Variants in MAPK8IP1 observed in about 807,000 individuals in gnomAD.
MAPK8IP1 encodes C-Jun-amino-terminal kinase-interacting protein 1.
Under a neutral mutation model 72.6 loss-of-function variants are expected in MAPK8IP1, and 17 were observed. That is an observed-to-expected ratio of 0.23 (90% CI 0.16 to 0.35). The LOEUF is 0.35. Ranked by LOEUF, MAPK8IP1 falls within the 10% of genes least tolerant of loss-of-function variation. MAPK8IP1 has a pLI of 1.00. For missense variants in MAPK8IP1, 789 were observed against 1,009.7 expected, an observed-to-expected ratio of 0.78 and a Z score of 2.96; for synonymous variants, 401 against 443.4, an observed-to-expected ratio of 0.90 and a Z score of 1.20.
Position 45,904,241 on chromosome 11 carries a change from A to C in MAPK8IP1, c.1666+80A>C. ...TTGCTGCTAGGTGAACGTGTACTCC[A>C]GATCTCAGCCAGCCAGGTGGGGGGC... On this transcript the variant is annotated intron_variant, in intron 7 of 11. Coordinates refer to ENST00000241014, the MANE Select transcript of MAPK8IP1 (RefSeq NM_005456.4). This position sits in a 1 kb window ranked among gnomAD's most constrained non-coding sequence, Gnocchi z 6.4. 6.7e-7 allele frequency: 1 copy of C among 1,483,880 alleles called. No individual in the cohort carries two copies. The highest frequency in any genetic ancestry group is 9.3e-7 in the Non-Finnish European group (1 of 1,079,130). 91.9% of individuals were successfully genotyped at this position (1,483,880 alleles called of 1,614,324 possible).
Position 45,902,144 on chromosome 11 carries a change from C to A in MAPK8IP1, c.604+83C>A. On this transcript the variant is annotated intron_variant, in intron 4 of 11. Coordinates refer to ENST00000241014, the MANE Select transcript of MAPK8IP1 (RefSeq NM_005456.4). The surrounding 1 kb of genome is among the most constrained non-coding windows in gnomAD (Gnocchi z 9.3). ...TACAGAGAGCAAACCCTACAGTCTC[C>A]AAAGGGCTGAGTAGAGGTGAACTGC... The A allele has an allele frequency of 7.7e-7, 1 of 1,300,638 alleles. No homozygotes were observed. The highest frequency in any genetic ancestry group is 1.1e-6 in the Non-Finnish European group (1 of 893,670). 80.6% of individuals were successfully genotyped at this position (1,300,638 alleles called of 1,614,324 possible).
chr11:45,901,471 A>T (rs142154174), intron 3 of MAPK8IP1, among the ~76,000 whole-genome samples: 1 of 152,240 alleles, frequency 6.6e-6, no homozygotes, highest in Non-Finnish European at 1.5e-5. Flanking sequence ...GCTGCTAGGG[A>T]GACCCTTCCT....
At chr11:45,899,908 G>A (rs1660828184) in intron 2 of MAPK8IP1, among the ~76,000 whole-genome samples, 1 of 152,162 alleles carries the variant, frequency 6.6e-6, no homozygotes, top group South Asian at 2.1e-4. Context: ...CCGGGGTGGG[G>A]ACTGTGGGGA....
chr11:45,900,302 G>A lies in MAPK8IP1; in HGVS notation c.372G>A (p.Ala124=). Residue 124 remains alanine, a synonymous_variant, in exon 3 of 12, where the codon GCG becomes GCA. Coordinates refer to ENST00000241014, the MANE Select transcript of MAPK8IP1 (RefSeq NM_005456.4). This position sits in a 1 kb window ranked among gnomAD's most constrained non-coding sequence, Gnocchi z 6.5. ...AGCGCGCGGCCCGGCGGCCGGGAGC[G>A]GGGCCGCCCAAGGCCGAGTCCGGCC... ...DEERAARRPG[A]GPPKAESGQE... is the part of the protein sequence containing the mutation. 1 of 1,340,976 alleles carries A rather than the reference G, an allele frequency of 7.5e-7. No individual in the cohort carries two copies. Among genetic ancestry groups the A allele is most frequent in the Non-Finnish European group, 9.5e-7 (1 of 1,052,628 alleles). 83.1% of individuals were successfully genotyped at this position (1,340,976 alleles called of 1,614,324 possible). A position where few individuals can be genotyped will look rare whatever the true frequency, so the allele number is the denominator to read the frequency against.
At chr11:45,892,601 G>T (rs949797967) in intron 1 of MAPK8IP1, among the ~76,000 whole-genome samples, 10 of 152,174 alleles carry the variant, frequency 6.6e-5, no homozygotes, top group African/African-American at 2.4e-4. Context: ...GTCAGAGAAG[G>T]CTTGCAGAGG....
intron 11 of MAPK8IP1, 126 bp downstream of exon 11, chr11:45,905,375 A>G: frequency 1.0e-6 from 1 of 954,686 alleles, no homozygotes; most frequent in East Asian, 2.6e-5. Context: ...CTATCTCCGG[A>G]CCCCAGTGCG....
In MAPK8IP1 at chr11:45,904,580, C is replaced by T. The variant is rs1415289217; in HGVS notation, c.1776+16C>T. On this transcript the variant is annotated intron_variant, in intron 8 of 11. Transcript: ENST00000241014. The surrounding 1 kb of genome is among the most constrained non-coding windows in gnomAD (Gnocchi z 6.4). Reference sequence around the variant, plus strand: ...TATGCAAAAGGTACCTGAGCCCTCTCCCTTCTCCTCCCTTGGATGGGTCCC... The same window carrying T: ...TATGCAAAAGGTACCTGAGCCCTCTTCCTTCTCCTCCCTTGGATGGGTCCC... 2 of 1,610,992 alleles carry T rather than the reference C, an allele frequency of 1.2e-6. No homozygotes were observed. Among genetic ancestry groups the T allele is most frequent in the African/African-American group, 1.3e-5 (1 of 74,842 alleles).
intron 1 of MAPK8IP1, 63 bp from the exon 2 acceptor site, chr11:45,898,022 A>AC (rs771819193): frequency 6.1e-6 from 6 of 977,386 alleles, no homozygotes; most frequent in African/African-American, 1.6e-5. Flanking sequence ...GGAAGAGGTA[A>AC]CAGGGAGATG....
chr11:45,891,909 C>G (rs1199171451), intron 1 of MAPK8IP1, among the ~76,000 whole-genome samples: 1 of 152,218 alleles, frequency 6.6e-6, no homozygotes, highest in Non-Finnish European at 1.5e-5. Flanking sequence ...CTGTGTGTAA[C>G]AGTTCTTCTC....
At chr11:45,888,137 G>A (rs571331836) in intron 1 of MAPK8IP1, among the ~76,000 whole-genome samples, 1 of 152,336 alleles carries the variant, frequency 6.6e-6, no homozygotes, top group South Asian at 2.1e-4. Flanking sequence ...GCTGAGGAGA[G>A]CCGCCTGTAG....
rs775529953 is a variant in MAPK8IP1, at chr11:45,903,426, C to T, written c.1479C>T (p.His493=). 1 of 1,612,754 alleles carries T rather than the reference C, an allele frequency of 6.2e-7. No individual in the cohort carries two copies. The highest frequency in any genetic ancestry group is 8.5e-7 in the Non-Finnish European group (1 of 1,179,944). ...IINGEEQEQT[H]RAIFRFVPRH... is the part of the protein sequence containing the mutation. ...ACGGGGAGGAGCAGGAGCAGACCCA[C>T]CGGGCCATATTCAGGTGAGAGCCAT... Residue 493 remains histidine (H), a synonymous_variant, in exon 6 of 12, where the codon CAC becomes CAT. Coordinates refer to ENST00000241014, the MANE Select transcript of MAPK8IP1 (RefSeq NM_005456.4). This position sits in a 1 kb window ranked among gnomAD's most constrained non-coding sequence, Gnocchi z 6.4.
Position 45,887,861 on chromosome 11 carries a change from C to T in MAPK8IP1, c.101+1940C>T, listed in dbSNP as rs146588362. 5.3e-4 allele frequency among the ~76,000 whole-genome samples: 80 copies of T among 152,342 alleles called. 1 individual carries two copies. In the East Asian group the frequency reaches 0.013, roughly 26 times the overall value. On this transcript the variant is annotated intron_variant, in intron 1 of 11. Transcript: ENST00000241014. The stretch of plus-strand genomic sequence containing the variant: ...CGGCCTGCCCCGCTGCTCCCAAAGC[C>T]CCCGCTGCCCTTTCTCCTGGCCCGC...
rs1206374276 is a variant in MAPK8IP1 at position 45,899,705 on chromosome 11, TCA to T, written c.208-432_208-431del. Among the ~76,000 whole-genome samples the T allele has an allele frequency of 2.0e-5, 3 of 152,266 alleles. No individual in the cohort carries two copies. The East Asian group carries it at 5.8e-4, about 29-fold the overall frequency. On this transcript the variant is annotated intron_variant, in intron 2 of 11. Coordinates refer to ENST00000241014, the MANE Select transcript of MAPK8IP1 (RefSeq NM_005456.4). Reference sequence around the variant, plus strand: ...CCGCCGTTCCTTGCTTGGCTGAGCCTCAGTTTTTCCAGTTTTCCTCAAGACCC... The same window carrying T: ...CCGCCGTTCCTTGCTTGGCTGAGCCTGTTTTTCCAGTTTTCCTCAAGACCC...
At chr11:45,895,150 G>A (rs1359072193) in intron 1 of MAPK8IP1, among the ~76,000 whole-genome samples, 3 of 152,192 alleles carry the variant, frequency 2.0e-5, no homozygotes, top group African/African-American at 2.4e-5. Context: ...CAAGTGGGGC[G>A]GGAGGGATGA....
At chr11:45,899,019 G>A (rs1300870265) in intron 2 of MAPK8IP1, among the ~76,000 whole-genome samples, 4 of 152,330 alleles carry the variant, frequency 2.6e-5, no homozygotes, top group East Asian at 1.9e-4. Flanking sequence ...CCATAGGAGC[G>A]TGAGGTGTGC....
At chr11:45,899,161 C>A (rs1047101055) in intron 2 of MAPK8IP1, among the ~76,000 whole-genome samples, 2 of 152,210 alleles carry the variant, frequency 1.3e-5, no homozygotes, top group Non-Finnish European at 2.9e-5. Context: ...ACTCTCTGGC[C>A]AGGCCAGGAA....
intron 1 of MAPK8IP1, among the ~76,000 whole-genome samples, chr11:45,886,742 C>A (rs970064063): frequency 6.6e-6 from 1 of 152,118 alleles, no homozygotes; most frequent in African/African-American, 2.4e-5. Flanking sequence ...AATTCTGAAC[C>A]CTAGTTGGTG....
chr11:45,905,587 G>A lies in MAPK8IP1; in HGVS notation c.2064-62G>A, dbSNP rs193021350. 1.9e-3 allele frequency: 2,718 copies of A among 1,464,760 alleles called. 33 individuals are homozygous for A. Among genetic ancestry groups the A allele is most frequent in the South Asian group, 0.017 (1,479 of 88,086 alleles). The allele number at this position is 1,464,760 out of a possible 1,614,324, so 90.7% of individuals were successfully genotyped here. On this transcript the variant is annotated intron_variant, in intron 11 of 11. Coordinates refer to ENST00000241014, the MANE Select transcript of MAPK8IP1 (RefSeq NM_005456.4). ...GGCTCCAGCGGGAAAACCCTGGGTC[G>A]GGATCCTGTTCCTCCCTTGCCAGTG...
At chr11:45,892,135 C>T (rs2086571811) in intron 1 of MAPK8IP1, among the ~76,000 whole-genome samples, 1 of 152,100 alleles carries the variant, frequency 6.6e-6, no homozygotes, top group South Asian at 2.1e-4. Context: ...GAATTCTGAC[C>T]CAAAGAACAA....
Sources: gnomAD v4.1 joint callset for allele counts (sites outside exome capture counted in the v4.1 genomes callset) on GRCh38, gnomAD v4.1.1 for gene constraint, Gnocchi (gnomAD v3.1) non-coding constraint, MANE v1.5 for transcripts, NCBI Gene and HGNC (gene_info 2026-07-23, HGNC 2026-07-21) for gene names.